Variants in PRKDC observed in about 807,000 individuals in gnomAD.
The protein encoded by PRKDC is DNA-dependent protein kinase catalytic subunit.
Under a neutral mutation model 486.9 loss-of-function variants are expected in PRKDC, and 82 were observed. The ratio of observed to expected loss-of-function variants is 0.17; its 90% CI spans 0.14 to 0.20. The LOEUF is 0.20. PRKDC is among the 10% of genes least tolerant of loss of function. The pLI, the probability that PRKDC is intolerant of heterozygous loss-of-function variation, is 1.00. For synonymous variants in PRKDC, 1,895 were observed against 1,837.0 expected, an observed-to-expected ratio of 1.03 and a Z score of -0.81; for missense variants, 4,504 against 5,038.2, an observed-to-expected ratio of 0.89 and a Z score of 3.21.
chr8:47,801,356 G>T (rs772126892), intron 70 of PRKDC, among the ~76,000 whole-genome samples: 2 of 152,168 alleles, frequency 1.3e-5, no homozygotes, highest in African/African-American at 2.4e-5. Context: ...ACAAGTGTGA[G>T]CCAACATGCT....
chr8:47,953,992 A>G (rs1237090896), intron 5 of PRKDC, 73 bp from the exon 6 acceptor site: 1 of 787,706 alleles, frequency 1.3e-6, no homozygotes, highest in Admixed American at 3.1e-5. Context: ...AAAATGTATG[A>G]AGAAAATAAA....
Position 47,893,252 on chromosome 8 carries a change from C to A in PRKDC, c.3734G>T (p.Arg1245Leu). 1 of 1,612,336 alleles carries A rather than the reference C, an allele frequency of 6.2e-7. No homozygotes were observed. The highest frequency in any genetic ancestry group is 1.1e-5 in the South Asian group (1 of 90,778). ...ILAQPTLLYL[R>L]GPFSLQATLC... ...CGTGGCCTGCAGGCTGAATGGCCCCCGAAGGTACAAGAGGGTGGGCTGGGC... is the reference window on the plus strand; with the variant it reads ...CGTGGCCTGCAGGCTGAATGGCCCCAGAAGGTACAAGAGGGTGGGCTGGGC... Residue 1245 changes from arginine to leucine, a missense_variant, in exon 31 of 86, where the codon CGG (arginine) becomes CTG (leucine). This residue lies in a region of PRKDC where 1,969 missense variants were observed against 2,068.9 expected (regional missense o/e 0.95). Coordinates refer to ENST00000314191, the MANE Select transcript of PRKDC (RefSeq NM_006904.7).
intron 27 of PRKDC, among the ~76,000 whole-genome samples, chr8:47,901,244 G>A (rs1164639125): frequency 6.6e-6 from 1 of 152,128 alleles, no homozygotes; most frequent in African/African-American, 2.4e-5. Flanking sequence ...GGGAGGCTGA[G>A]GCAGGGATCA....
chr8:47,817,628 T>TTG, intron 67 of PRKDC, 67 bp from the exon 68 acceptor site: 10 of 1,010,996 alleles, frequency 9.9e-6, no homozygotes, highest in Non-Finnish European at 1.4e-5. Flanking sequence ...CAAAGGTCAT[T>TTG]ATCAGTAAAT....
chr8:47,871,134 A>G (rs2088942515), intron 40 of PRKDC, among the ~76,000 whole-genome samples: 1 of 152,212 alleles, frequency 6.6e-6, no homozygotes, highest in African/African-American at 2.4e-5. Flanking sequence ...GTCTTAAAGA[A>G]AAGGTAGCGG....
chr8:47,828,200 A>G lies in PRKDC; in HGVS notation c.8545T>C (p.Ser2849Pro). 2 of 1,613,858 alleles carry G rather than the reference A, an allele frequency of 1.2e-6. No homozygotes were observed. The highest frequency in any genetic ancestry group is 1.7e-6 in the Non-Finnish European group (2 of 1,179,790). The change falls in exon 62 of 86, where the codon TCT (serine) becomes CCT (proline). Residue 2849 changes from serine (S) to proline (P), a missense_variant. Around this residue, in one of 6 missense-constraint regions of PRKDC, gnomAD observed 1,592 missense variants for 1,724.6 expected, o/e 0.92. Coordinates refer to ENST00000314191, the MANE Select transcript of PRKDC (RefSeq NM_006904.7). ...CAAGAGACAAAGGGTGGAAAGAAAG[A>G]GAAGGTGGTATTAAGAAAACGATTG... ...DFNRFLNTTF[S>P]FFPPFVSCIQ...
intron 22 of PRKDC, among the ~76,000 whole-genome samples, chr8:47,916,494 G>T (rs2089985842): frequency 6.6e-6 from 1 of 152,030 alleles, no homozygotes; most frequent in African/African-American, 2.4e-5. Flanking sequence ...ATAGTTACAA[G>T]TTCTCCAAAA....
chr8:47,826,493 C>T (rs2154499214), intron 63 of PRKDC, among the ~76,000 whole-genome samples, 163 bp downstream of exon 63: 1 of 152,318 alleles, frequency 6.6e-6, no homozygotes, highest in East Asian at 1.9e-4. Flanking sequence ...ACTGTTCTTG[C>T]CTTTGAGAAT....
At chr8:47,863,322 C>G in intron 42 of PRKDC, 77 bp downstream of exon 42, 1 of 1,221,678 alleles carries the variant, frequency 8.2e-7, no homozygotes, top group South Asian at 1.4e-5. Flanking sequence ...TTTATTCACA[C>G]TATATACATA....
intron 59 of PRKDC, among the ~76,000 whole-genome samples, chr8:47,832,951 A>G (rs2087922005): frequency 6.6e-6 from 1 of 152,234 alleles, no homozygotes; most frequent in African/African-American, 2.4e-5. Flanking sequence ...GGATGGCACC[A>G]GGCCTGGCGC....
At chr8:47,909,138 T>C (rs1432638955) in intron 25 of PRKDC, among the ~76,000 whole-genome samples, 4 of 152,280 alleles carry the variant, frequency 2.6e-5, no homozygotes, top group Non-Finnish European at 2.9e-5. Context: ...ACTCTTAGGA[T>C]TGGTTTAGCC....
intron 71 of PRKDC, among the ~76,000 whole-genome samples, chr8:47,800,571 C>A (rs1395141608): frequency 6.6e-6 from 1 of 150,758 alleles, no homozygotes; most frequent in Non-Finnish European, 1.5e-5. Flanking sequence ...AACTAACCTG[C>A]ACATTGTGCA....
chr8:47,939,800 T>C (rs1430826768), intron 10 of PRKDC, 103 bp from the exon 11 acceptor site: 4 of 1,017,132 alleles, frequency 3.9e-6, no homozygotes, highest in Non-Finnish European at 5.5e-6. Flanking sequence ...AATGTACTGT[T>C]ATAGTTACAC....
intron 7 of PRKDC, among the ~76,000 whole-genome samples, chr8:47,949,136 T>C (rs1458058798): frequency 6.6e-6 from 1 of 152,194 alleles, no homozygotes; most frequent in Non-Finnish European, 1.5e-5. Flanking sequence ...CCAGATCCCC[T>C]TCCTCTGACC....
intron 25 of PRKDC, among the ~76,000 whole-genome samples, chr8:47,911,458 T>C (rs927147434): frequency 6.6e-6 from 1 of 152,264 alleles, no homozygotes; most frequent in Non-Finnish European, 1.5e-5. Flanking sequence ...GAGAGGTTCA[T>C]TGCTACGTTA....
chr8:47,895,752 A>G lies in PRKDC; in HGVS notation c.3598+1409T>C, dbSNP rs115971412. ...AGCTAAACACATTAAGCAAACTGAA[A>G]ATGCTAGGCCAGGCGTGGTAGCTCA... On this transcript the variant is annotated intron_variant, in intron 30 of 85. Coordinates refer to ENST00000314191, the MANE Select transcript of PRKDC (RefSeq NM_006904.7). Among the ~76,000 whole-genome samples the G allele has an allele frequency of 4.8e-3, 724 of 152,344 alleles. 6 individuals carry two copies. Among genetic ancestry groups the G allele is most frequent in the African/African-American group, 0.017 (687 of 41,576 alleles).
intron 55 of PRKDC, 78 bp downstream of exon 55, chr8:47,839,938 C>CT: frequency 2.5e-6 from 3 of 1,191,774 alleles, no homozygotes; most frequent in Non-Finnish European, 2.3e-6. Flanking sequence ...GTTTGTGCCC[C>CT]TGTACTCCAG....
chr8:47,869,210 G>A (rs190775179), intron 40 of PRKDC, among the ~76,000 whole-genome samples: 22 of 151,984 alleles, frequency 1.4e-4, no homozygotes, highest in African/African-American at 4.3e-4. Flanking sequence ...GGGAGTGCTT[G>A]GCCATGCCTC....
At chr8:47,936,851 C>G (rs1054900939) in intron 11 of PRKDC, among the ~76,000 whole-genome samples, 1 of 149,594 alleles carries the variant, frequency 6.7e-6, no homozygotes, top group Non-Finnish European at 1.5e-5. Context: ...TCTCAAACTC[C>G]CGACCTCAGG....
Sources: gnomAD v4.1 joint callset for allele counts (sites outside exome capture counted in the v4.1 genomes callset) on GRCh38, gnomAD v4.1.1 for gene constraint, gnomAD v4.1.1 regional missense constraint, MANE v1.5 for transcripts, NCBI Gene and HGNC (gene_info 2026-07-23, HGNC 2026-07-21) for gene names.